Variants in CCSER1 observed in about 807,000 individuals in gnomAD.
CCSER1 encodes serine-rich coiled-coil domain-containing protein 1.
Under a neutral mutation model 82.0 loss-of-function variants are expected in CCSER1, and 41 were observed. The observed-to-expected ratio is 0.50, with a 90% CI of 0.39 to 0.65. The LOEUF (loss-of-function observed/expected upper bound fraction) is 0.65. Ranked by LOEUF, CCSER1 falls within the 30% of genes least tolerant of loss-of-function variation. The probability of loss-of-function intolerance (pLI) is 0.00; values close to 1 mark genes in which losing one functional copy is unlikely to be tolerated. For missense variants in CCSER1, 1,119 were observed against 1,064.2 expected, an observed-to-expected ratio of 1.05 and a Z score of -0.72; for synonymous variants, 414 against 383.9, an observed-to-expected ratio of 1.08 and a Z score of -0.92.
rs372351253 is a variant in CCSER1 at position 90,171,346 on chromosome 4, A to G, written c.-42+43515A>G. Among the ~76,000 whole-genome samples the G allele has an allele frequency of 4.6e-5, 7 of 151,944 alleles. No individual in the cohort carries two copies. In the East Asian group the frequency reaches 1.2e-3, roughly 25 times the overall value. On this transcript the variant is annotated intron_variant, in intron 1 of 10. Transcript: ENST00000509176. ...ACGTTCCTACTTAAATCTAACCTAA[A>G]TATTTATTGTGCCAAACTGCCCACA... is the stretch of plus-strand genomic sequence containing the variant.
intron 9 of CCSER1, among the ~76,000 whole-genome samples, chr4:91,009,937 C>T (rs1166106867): frequency 6.6e-6 from 1 of 152,100 alleles, no homozygotes; most frequent in African/African-American, 2.4e-5. Flanking sequence ...TTATAGAGCA[C>T]CATAACAGTC....
intron 10 of CCSER1, among the ~76,000 whole-genome samples, chr4:91,153,030 T>A (rs1730404784): frequency 1.3e-5 from 2 of 151,990 alleles, no homozygotes; most frequent in African/African-American, 4.8e-5. Context: ...TGGCGTTCTC[T>A]GTATTTCCTG....
At chr4:90,618,836 AC>A (rs1721780176) in intron 5 of CCSER1, among the ~76,000 whole-genome samples, 3 of 151,978 alleles carry the variant, frequency 2.0e-5, no homozygotes, top group Non-Finnish European at 3.0e-5. Context: ...GGAGTTTGTG[AC>A]TTAAAAAAAG....
chr4:91,284,407 A>G (rs927054338), intron 10 of CCSER1, among the ~76,000 whole-genome samples: 5 of 152,112 alleles, frequency 3.3e-5, no homozygotes, highest in African/African-American at 1.2e-4. Context: ...ATAAATGTTT[A>G]GATAGAAAGC....
chr4:91,087,860 C>G (rs1316601532), intron 10 of CCSER1, among the ~76,000 whole-genome samples: 1 of 152,100 alleles, frequency 6.6e-6, no homozygotes, highest in African/African-American at 2.4e-5. Flanking sequence ...CCTTAACTTT[C>G]CCTGTGACTA....
At chr4:90,385,761 A>T (rs58105555) in intron 3 of CCSER1, among the ~76,000 whole-genome samples, 6 of 151,676 alleles carry the variant, frequency 4.0e-5, no homozygotes, top group Non-Finnish European at 5.9e-5. Context: ...ATTTTTTCAT[A>T]TATTTCTTGG....
chr4:90,315,744 TC>T (rs1417507074), intron 3 of CCSER1, among the ~76,000 whole-genome samples: 1 of 152,170 alleles, frequency 6.6e-6, no homozygotes, highest in African/African-American at 2.4e-5. Context: ...CCTCAGGTGA[TC>T]CACTCACATC....
chr4:90,418,326 T>C (rs1319668211), intron 4 of CCSER1, among the ~76,000 whole-genome samples: 2 of 152,188 alleles, frequency 1.3e-5, no homozygotes, highest in East Asian at 3.9e-4. Flanking sequence ...TTCTGACAGA[T>C]TTAGTGATCT....
intron 4 of CCSER1, among the ~76,000 whole-genome samples, chr4:90,457,302 G>C (rs1762301320): frequency 2.6e-5 from 4 of 152,152 alleles, no homozygotes; most frequent in Admixed American, 2.6e-4. Context: ...ACTCCCCAAA[G>C]AGCCTCAACT....
intron 10 of CCSER1, among the ~76,000 whole-genome samples, chr4:91,164,280 G>T (rs1017183828): frequency 6.6e-6 from 1 of 152,164 alleles, no homozygotes; most frequent in African/African-American, 2.4e-5. Flanking sequence ...TGGCTTGCAG[G>T]GTTTCTGCTG....
intron 9 of CCSER1, among the ~76,000 whole-genome samples, chr4:90,982,134 C>T (rs1164397271): frequency 6.6e-6 from 1 of 151,818 alleles, no homozygotes; most frequent in Non-Finnish European, 1.5e-5. Flanking sequence ...ACAAACGTTT[C>T]TTACAGTTTT....
chr4:91,089,161 A>G (rs1483961844), intron 10 of CCSER1, among the ~76,000 whole-genome samples: 1 of 152,182 alleles, frequency 6.6e-6, no homozygotes, highest in Non-Finnish European at 1.5e-5. Context: ...AAGATTTTAC[A>G]TGAAAGGGCC....
At chr4:91,244,121 C>T (rs1739581780) in intron 10 of CCSER1, among the ~76,000 whole-genome samples, 2 of 152,124 alleles carry the variant, frequency 1.3e-5, no homozygotes, top group Non-Finnish European at 2.9e-5. Flanking sequence ...TTTGTGGTGG[C>T]CTGGCAGAAC....
chr4:90,836,704 G>A (rs1014167211), intron 8 of CCSER1, among the ~76,000 whole-genome samples: 8 of 152,162 alleles, frequency 5.3e-5, no homozygotes, highest in South Asian at 2.1e-4. Context: ...GGACTGGGTG[G>A]AGTCTTGGAA....
chr4:91,153,095 C>T (rs7684465), intron 10 of CCSER1, among the ~76,000 whole-genome samples: 6,377 of 151,884 alleles, frequency 0.042, 437 homozygotes, highest in African/African-American at 0.14. Flanking sequence ...GATAATATCC[C>T]GCAGAGTGTT....
intron 10 of CCSER1, among the ~76,000 whole-genome samples, chr4:91,095,589 T>C (rs1724428260): frequency 6.6e-6 from 1 of 152,176 alleles, no homozygotes; most frequent in African/African-American, 2.4e-5. Flanking sequence ...TTCCATGCTT[T>C]GGCTAACTAA....
At chr4:91,123,643 CACTT>C (rs1449116068) in intron 10 of CCSER1, among the ~76,000 whole-genome samples, 2 of 151,710 alleles carry the variant, frequency 1.3e-5, no homozygotes, top group Non-Finnish European at 1.5e-5. Flanking sequence ...GGTTTCTTAT[CACTT>C]ACCGCATTTG....
intron 9 of CCSER1, among the ~76,000 whole-genome samples, chr4:90,947,816 T>G (rs771275092): frequency 6.6e-6 from 1 of 152,156 alleles, no homozygotes; most frequent in Non-Finnish European, 1.5e-5. Flanking sequence ...AAAAATGACT[T>G]TCCTGTTCCC....
chr4:90,234,030 A>G (rs192850912), intron 1 of CCSER1, among the ~76,000 whole-genome samples: 3 of 152,206 alleles, frequency 2.0e-5, no homozygotes, highest in Non-Finnish European at 4.4e-5. Flanking sequence ...TGTTGTGCTT[A>G]TATGATATCA....
Sources: gnomAD v4.1 joint callset for allele counts (sites outside exome capture counted in the v4.1 genomes callset) on GRCh38, gnomAD v4.1.1 for gene constraint, MANE v1.5 for transcripts, NCBI Gene and HGNC (gene_info 2026-07-23, HGNC 2026-07-21) for gene names.